FSTL5: variants seen among roughly 807,000 people sequenced by gnomAD.
FSTL5 encodes the protein follistatin-related protein 5.
FSTL5 carries 62 observed loss-of-function variants against 89.1 expected under a neutral mutation model. The ratio of observed to expected loss-of-function variants is 0.70; its 90% CI spans 0.57 to 0.86. FSTL5 has a LOEUF of 0.86. Among genes scored for constraint, FSTL5 ranks in the 40% least tolerant of loss-of-function variants. FSTL5 has a pLI of 0.00. For missense variants in FSTL5, 1,057 were observed against 1,001.6 expected, an observed-to-expected ratio of 1.06 and a Z score of -0.75; for synonymous variants, 383 against 346.2, an observed-to-expected ratio of 1.11 and a Z score of -1.18.
intron 3 of FSTL5, among the ~76,000 whole-genome samples, chr4:161,930,366 A>G (rs904088905): frequency 6.6e-6 from 1 of 152,014 alleles, no homozygotes; most frequent in Middle Eastern, 3.4e-3. Context: ...AATACTGATT[A>G]GTTCATTAAT....
chr4:161,417,002 T>A (rs1731811347), intron 15 of FSTL5, among the ~76,000 whole-genome samples: 1 of 152,176 alleles, frequency 6.6e-6, no homozygotes, highest in Admixed American at 6.5e-5. Flanking sequence ...TTTAATACAA[T>A]GTTTATTATT....
chr4:161,732,050 T>C (rs74890967), intron 6 of FSTL5, among the ~76,000 whole-genome samples: 2,505 of 150,222 alleles, frequency 0.017, 35 homozygotes, highest in Non-Finnish European at 0.025. Context: ...CAGGAGTGGA[T>C]TGGCTGTGTC....
intron 2 of FSTL5, among the ~76,000 whole-genome samples, chr4:162,063,447 T>C (rs546998237): frequency 2.6e-4 from 40 of 152,002 alleles, no homozygotes; most frequent in African/African-American, 9.1e-4. Flanking sequence ...CTTGTATTGA[T>C]CAATATGCTG....
At chr4:161,465,787 C>G (rs1304552926) in intron 13 of FSTL5, among the ~76,000 whole-genome samples, 1 of 152,148 alleles carries the variant, frequency 6.6e-6, no homozygotes. Flanking sequence ...TTGGAAATTT[C>G]TCTCCTACAT....
chr4:161,598,258 G>T (rs775170682), intron 7 of FSTL5, among the ~76,000 whole-genome samples: 1 of 151,744 alleles, frequency 6.6e-6, no homozygotes, highest in Non-Finnish European at 1.5e-5. Context: ...ACCTGTAATC[G>T]CAGCTACTTG....
At chr4:161,661,175 C>T (rs1479968905) in intron 6 of FSTL5, among the ~76,000 whole-genome samples, 4 of 152,086 alleles carry the variant, frequency 2.6e-5, no homozygotes, top group Non-Finnish European at 5.9e-5. Flanking sequence ...GGAACTTTGA[C>T]TAAAGATATC....
At chr4:161,658,453 C>T (rs1443778602) in intron 6 of FSTL5, among the ~76,000 whole-genome samples, 4 of 149,352 alleles carry the variant, frequency 2.7e-5, no homozygotes, top group African/African-American at 1.0e-4. Flanking sequence ...AGTGAGAATC[C>T]GTCTCAAAAA....
intron 4 of FSTL5, among the ~76,000 whole-genome samples, chr4:161,779,819 A>ATATG (rs2019491923): frequency 5.0e-5 from 4 of 79,908 alleles, no homozygotes; most frequent in African/African-American, 3.1e-4. Context: ...ATGTATATAT[A>ATATG]TATATATATA....
At chr4:161,519,489 G>A (rs1377898557) in intron 10 of FSTL5, among the ~76,000 whole-genome samples, 2 of 152,078 alleles carry the variant, frequency 1.3e-5, no homozygotes, top group African/African-American at 4.8e-5. Context: ...TCGCTCCACT[G>A]CACTCCAGCC....
chr4:161,483,423 C>T (rs543714686), intron 12 of FSTL5, among the ~76,000 whole-genome samples: 7 of 152,162 alleles, frequency 4.6e-5, no homozygotes, highest in Non-Finnish European at 7.4e-5. Context: ...TGCTGAAACA[C>T]GAAAGATTTC....
At chr4:161,739,645 A>T (rs17638723) in intron 6 of FSTL5, among the ~76,000 whole-genome samples, 1 of 151,986 alleles carries the variant, frequency 6.6e-6, no homozygotes, top group African/African-American at 2.4e-5. Flanking sequence ...TTGGTGCCCA[A>T]TGTGACTCTA....
chr4:161,583,764 T>G, intron 8 of FSTL5, among the ~76,000 whole-genome samples: 1 of 152,276 alleles, frequency 6.6e-6, no homozygotes, highest in East Asian at 1.9e-4. Flanking sequence ...GAAACATTTT[T>G]TTTAGAAACT....
At chr4:162,086,206 T>C (rs1398198464) in intron 2 of FSTL5, among the ~76,000 whole-genome samples, 1 of 152,032 alleles carries the variant, frequency 6.6e-6, no homozygotes, top group South Asian at 2.1e-4. Context: ...TTCTGTAACC[T>C]AGATTAGAAA....
At chr4:161,783,728 T>TTCTTTCTTTCTTTCTTTC (rs1391781881) in intron 4 of FSTL5, among the ~76,000 whole-genome samples, 7 of 15,566 alleles carry the variant, frequency 4.5e-4, no homozygotes, top group African/African-American at 1.8e-3. Context: ...TCTTTCTTCT[T>TTCTTTCTTTCTTTCTTTC]TTCTTTTCTT....
intron 11 of FSTL5, among the ~76,000 whole-genome samples, chr4:161,509,118 C>A (rs1481976543): frequency 1.3e-5 from 2 of 152,140 alleles, no homozygotes; most frequent in Non-Finnish European, 2.9e-5. Flanking sequence ...GCCTGGCCAA[C>A]ATGGCAAAAC....
intron 2 of FSTL5, among the ~76,000 whole-genome samples, chr4:162,076,241 T>C (rs1449515212): frequency 6.6e-6 from 1 of 151,748 alleles, no homozygotes; most frequent in Non-Finnish European, 1.5e-5. Flanking sequence ...AATTTCAGAG[T>C]CTGTTGTTGG....
At chr4:161,716,260 T>C (rs570268897) in intron 6 of FSTL5, among the ~76,000 whole-genome samples, 65 of 152,240 alleles carry the variant, frequency 4.3e-4, no homozygotes, top group African/African-American at 1.4e-3. Flanking sequence ...AACTCTCTTG[T>C]TTGTCTCCAC....
chr4:161,585,597 A>C (rs1273632698), intron 8 of FSTL5, among the ~76,000 whole-genome samples: 1 of 151,832 alleles, frequency 6.6e-6, no homozygotes, highest in African/African-American at 2.4e-5. Flanking sequence ...TAAAAAAAAA[A>C]AAAAAAAAAG....
intron 3 of FSTL5, among the ~76,000 whole-genome samples, chr4:162,031,467 G>C (rs1429670346): frequency 6.6e-6 from 1 of 152,066 alleles, no homozygotes; most frequent in Non-Finnish European, 1.5e-5. Context: ...TTGAAAATGG[G>C]TTTTTAATCT....
Sources: allele counts gnomAD v4.1 joint callset (sites outside exome capture counted in the v4.1 genomes callset), GRCh38; gene constraint gnomAD v4.1.1; transcripts MANE v1.5; gene names NCBI Gene and HGNC (gene_info 2026-07-23, HGNC 2026-07-21).